Variants in MCTP2 observed in about 807,000 individuals in gnomAD.
MCTP2 encodes multiple C2 and transmembrane domain-containing protein 2.
A neutral mutation model predicts 111.6 loss-of-function variants in MCTP2; 132 were observed. That is an observed-to-expected ratio of 1.18 (90% confidence interval 1.03 to 1.37). MCTP2 has a LOEUF of 1.37. Among genes scored for constraint, MCTP2 ranks in the 40% most tolerant of loss-of-function variants. The pLI is 0.00. For synonymous variants in MCTP2, 395 were observed against 387.7 expected (o/e 1.02, Z -0.22); for missense variants, 1,183 against 1,067.9 (o/e 1.11, Z -1.50).
intron 4 of MCTP2, 143 bp from the exon 5 acceptor site, chr15:94,339,147 C>T: frequency 1.9e-6 from 1 of 537,186 alleles, no homozygotes; most frequent in Non-Finnish European, 3.1e-6. Flanking sequence ...TTTCATATCT[C>T]CCTGTCTTCC....
intron 1 of MCTP2, among the ~76,000 whole-genome samples, chr15:94,247,159 G>A (rs910882048): frequency 2.6e-5 from 4 of 152,184 alleles, no homozygotes; most frequent in South Asian, 2.1e-4. Context: ...GTGTGCGCGT[G>A]AGTGCATGTG....
chr15:94,385,774 T>C (rs2080430624), intron 14 of MCTP2, among the ~76,000 whole-genome samples: 1 of 152,232 alleles, frequency 6.6e-6, no homozygotes, highest in Non-Finnish European at 1.5e-5. Flanking sequence ...AGTTTTTCAA[T>C]TCATTTTCAG....
chr15:94,375,567 AAAAC>A (rs796639035), intron 12 of MCTP2, among the ~76,000 whole-genome samples: 46 of 152,242 alleles, frequency 3.0e-4, no homozygotes, highest in Middle Eastern at 3.4e-3. Flanking sequence ...TTTGCCATTA[AAAAC>A]AAACAAACAA....
At chr15:94,390,106 ATATATATG>A (rs1293236795) in intron 14 of MCTP2, among the ~76,000 whole-genome samples, 19 of 29,990 alleles carry the variant, frequency 6.3e-4, no homozygotes, top group South Asian at 1.7e-3. Context: ...ATATATATAT[ATATATATG>A]TATATATATA....
chr15:94,276,403 A>T (rs985408648), intron 1 of MCTP2, among the ~76,000 whole-genome samples: 2 of 152,176 alleles, frequency 1.3e-5, no homozygotes, highest in Non-Finnish European at 2.9e-5. Context: ...ATTCAATTCA[A>T]TCACCAGTTA....
At chr15:94,469,217 A>G (rs2073694045) in intron 20 of MCTP2, among the ~76,000 whole-genome samples, 1 of 152,160 alleles carries the variant, frequency 6.6e-6, no homozygotes, top group Admixed American at 6.6e-5. Flanking sequence ...TCTACGGTTA[A>G]ATCTGTATGT....
chr15:94,306,123 G>T (rs202172111), intron 2 of MCTP2, among the ~76,000 whole-genome samples: 4 of 152,170 alleles, frequency 2.6e-5, no homozygotes, highest in Non-Finnish European at 5.9e-5. Context: ...GAGATGAATG[G>T]GGAGGTTATT....
chr15:94,386,861 G>A (rs980021647), intron 14 of MCTP2, among the ~76,000 whole-genome samples: 7 of 152,044 alleles, frequency 4.6e-5, no homozygotes, highest in African/African-American at 1.7e-4. Context: ...AAAGTTTTGT[G>A]TGTTTGGTCT....
At chr15:94,247,893 T>C (rs1187710817) in intron 1 of MCTP2, among the ~76,000 whole-genome samples, 1 of 152,206 alleles carries the variant, frequency 6.6e-6, no homozygotes, top group Non-Finnish European at 1.5e-5. Flanking sequence ...ATTTGTTTGT[T>C]CCATCAAAAC....
At chr15:94,298,169 T>G in intron 1 of MCTP2, 32 bp from the exon 2 acceptor site, 49 of 888,754 alleles carry the variant, frequency 5.5e-5, no homozygotes, top group Non-Finnish European at 6.7e-5. Flanking sequence ...TTTTTGTTTG[T>G]TTGTTTTTTG....
intron 1 of MCTP2, among the ~76,000 whole-genome samples, chr15:94,266,807 GA>G (rs2073563766): frequency 6.6e-6 from 1 of 152,198 alleles, no homozygotes; most frequent in Non-Finnish European, 1.5e-5. Context: ...AGTTGAGTCA[GA>G]AAATGAAGCA....
intron 1 of MCTP2, among the ~76,000 whole-genome samples, chr15:94,243,853 G>A (rs1470816922): frequency 1.4e-5 from 2 of 145,782 alleles, no homozygotes; most frequent in Non-Finnish European, 3.0e-5. Context: ...ACACATATAT[G>A]TATACACATA....
intron 1 of MCTP2, among the ~76,000 whole-genome samples, chr15:94,236,386 T>C (rs968565382): frequency 1.8e-4 from 24 of 133,276 alleles, no homozygotes; most frequent in African/African-American, 5.0e-4. Flanking sequence ...TCTTTTTTTT[T>C]TTTTTTTTTT....
At chr15:94,446,889 T>G (rs62017660) in intron 19 of MCTP2, among the ~76,000 whole-genome samples, 4,181 of 152,328 alleles carry the variant, frequency 0.027, 75 homozygotes, top group Admixed American at 0.05. Flanking sequence ...TTTATATCAG[T>G]TGTAGATGAA....
intron 17 of MCTP2, among the ~76,000 whole-genome samples, chr15:94,408,667 TTAAAAGGACA>T (rs2082015024): frequency 6.6e-6 from 1 of 152,214 alleles, no homozygotes; most frequent in African/African-American, 2.4e-5. Context: ...TGTTAAAAAT[TTAAAAGGACA>T]CTATTAACTA....
rs146249731 is a variant in MCTP2 at position 94,245,196 on chromosome 15, A to G, written c.-66+13532A>G. Among the ~76,000 whole-genome samples, 92 of 144,646 alleles carry G rather than the reference A, an allele frequency of 6.4e-4. 2 individuals carry two copies. In the East Asian group the frequency reaches 0.017, roughly 26 times the overall value. The allele number at this position is 144,646 out of a possible 152,430, so 94.9% of individuals were successfully genotyped here. A position where few individuals can be genotyped will look rare whatever the true frequency, so the allele number is the denominator to read the frequency against. On this transcript the variant is annotated intron_variant, in intron 1 of 22. Coordinates refer to ENST00000357742, the MANE Select transcript of MCTP2 (RefSeq NM_001385001.1). ...TGTATAGATTTATACACACATATGT[A>G]TGTATATATTTATACATATGTGTAT...
chr15:94,240,661 C>T (rs1218223359), intron 1 of MCTP2, among the ~76,000 whole-genome samples: 1 of 152,138 alleles, frequency 6.6e-6, no homozygotes, highest in African/African-American at 2.4e-5. Flanking sequence ...ATAAATATGT[C>T]ATTTAAGAGC....
chr15:94,392,577 G>A (rs1159520788), intron 14 of MCTP2, among the ~76,000 whole-genome samples: 1 of 152,100 alleles, frequency 6.6e-6, no homozygotes, highest in Non-Finnish European at 1.5e-5. Flanking sequence ...CACTTTGGGA[G>A]GCCGAGCCAG....
chr15:94,437,551 A>G (rs1043830906), intron 17 of MCTP2, among the ~76,000 whole-genome samples: 2 of 152,100 alleles, frequency 1.3e-5, no homozygotes, highest in Non-Finnish European at 1.5e-5. Flanking sequence ...AAATGTTAAT[A>G]TCAAGATACC....
Sources: gnomAD v4.1 joint callset for allele counts (sites outside exome capture counted in the v4.1 genomes callset) on GRCh38, gnomAD v4.1.1 for gene constraint, MANE v1.5 for transcripts, NCBI Gene and HGNC (gene_info 2026-07-23, HGNC 2026-07-21) for gene names.